The following BRINP3 variants were observed in gnomAD, a reference collection of about 807,000 sequenced individuals.
BRINP3 encodes BMP/retinoic acid inducible neural specific 3.
A neutral mutation model predicts 71.0 loss-of-function variants in BRINP3; 19 were observed. That is an observed-to-expected ratio of 0.27 (90% CI 0.19 to 0.39). BRINP3 has a LOEUF of 0.39. BRINP3 is among the 10% of genes least tolerant of loss of function. BRINP3 has a pLI of 1.00. For synonymous variants in BRINP3, 380 were observed against 337.7 expected (o/e 1.13, Z -1.37); for missense variants, 959 against 940.8 (o/e 1.02, Z -0.25).
intron 4 of BRINP3, among the ~76,000 whole-genome samples, chr1:190,239,618 C>A (rs758503311): frequency 2.6e-5 from 4 of 151,904 alleles, no homozygotes; most frequent in African/African-American, 9.7e-5. Context: ...TTATGTACTT[C>A]GCTGTATAAA....
intron 2 of BRINP3, among the ~76,000 whole-genome samples, chr1:190,431,407 G>C (rs898359282): frequency 6.6e-6 from 1 of 151,892 alleles, no homozygotes; most frequent in Admixed American, 6.6e-5. Context: ...TGCCCAGGCC[G>C]GAGTGCAGTG....
chr1:190,366,705 G>T (rs1205828224), intron 2 of BRINP3, among the ~76,000 whole-genome samples: 2 of 152,096 alleles, frequency 1.3e-5, no homozygotes, highest in Non-Finnish European at 2.9e-5. Context: ...ACAATGGGGG[G>T]TACAGTCATT....
chr1:190,181,099 G>A (rs559572449), intron 6 of BRINP3, among the ~76,000 whole-genome samples: 11 of 152,018 alleles, frequency 7.2e-5, no homozygotes, highest in South Asian at 2.1e-4. Flanking sequence ...CTACCCAATC[G>A]TTTTTATCTT....
At chr1:190,327,326 CAAAAAAAAAAAAAAAAAAAAAAAAGGAA>C (rs1666657489) in intron 2 of BRINP3, among the ~76,000 whole-genome samples, 1 of 44,232 alleles carries the variant, frequency 2.3e-5, no homozygotes, top group African/African-American at 6.9e-5. Context: ...AAAAAAAGAA[CAAAAAAAAAAAAAAAAAAAAAAAAGGAA>C]AAAAAAAAAA....
intron 4 of BRINP3, among the ~76,000 whole-genome samples, chr1:190,259,970 G>C (rs555004017): frequency 6.7e-6 from 1 of 148,750 alleles, no homozygotes; most frequent in South Asian, 2.2e-4. Flanking sequence ...AGAGGTTGCA[G>C]TTAGCCAACA....
At position 190,344,196 on chromosome 1, in the gene BRINP3, T is replaced by TA. The variant is rs1434750692; in HGVS notation, c.237-62447dup. ...TGTTGAAATATCATTAGATAGTAACTAAATTTTTTGAGACCTTTATATGCT... is the reference window on the plus strand; with the variant it reads ...TGTTGAAATATCATTAGATAGTAACTAAAATTTTTTGAGACCTTTATATGCT... On this transcript the variant is annotated intron_variant, in intron 2 of 7. Coordinates refer to ENST00000367462, the MANE Select transcript of BRINP3 (RefSeq NM_199051.3). Among the ~76,000 whole-genome samples the TA allele has an allele frequency of 2.6e-5, 4 of 151,830 alleles. No individual in the cohort carries two copies. The East Asian group carries it at 7.7e-4, about 29-fold the overall frequency.
intron 2 of BRINP3, among the ~76,000 whole-genome samples, chr1:190,329,292 T>G (rs1004708789): frequency 5.3e-5 from 8 of 152,088 alleles, no homozygotes; most frequent in Non-Finnish European, 1.0e-4. Flanking sequence ...TAGAGACTCT[T>G]GCAAAATTTT....
At chr1:190,408,295 C>T (rs184389196) in intron 2 of BRINP3, among the ~76,000 whole-genome samples, 2,112 of 151,924 alleles carry the variant, frequency 0.014, 23 homozygotes, top group Non-Finnish European at 0.021. Context: ...CCGCCCACCT[C>T]GGCCTCTCAA....
intron 7 of BRINP3, among the ~76,000 whole-genome samples, chr1:190,132,829 T>A (rs1571792686): frequency 6.6e-6 from 1 of 152,084 alleles, no homozygotes; most frequent in Admixed American, 6.6e-5. Flanking sequence ...TGAGAATAAG[T>A]CATAAAAGGT....
At chr1:190,377,892 A>C (rs780880431) in intron 2 of BRINP3, among the ~76,000 whole-genome samples, 17 of 152,164 alleles carry the variant, frequency 1.1e-4, no homozygotes, top group South Asian at 4.1e-4. Context: ...TAAATAATTG[A>C]AAAGACATTC....
intron 2 of BRINP3, chr1:190,342,807 A>C (rs1667751118): frequency 6.6e-6 from 1 of 151,844 alleles, no homozygotes; most frequent in African/African-American, 2.4e-5. Context: ...GTACATTTTT[A>C]GGAAAAAAAT....
intron 2 of BRINP3, among the ~76,000 whole-genome samples, chr1:190,430,054 T>A (rs558256733): frequency 6.6e-6 from 1 of 152,312 alleles, no homozygotes; most frequent in South Asian, 2.1e-4. Context: ...ATTTGAAGGT[T>A]AGGACACGTC....
At position 190,182,993 on chromosome 1, in the gene BRINP3, AG is replaced by A. The variant is rs565831507; in HGVS notation, c.962-22104del. Among the ~76,000 whole-genome samples, 21 of 152,226 alleles carry A rather than the reference AG, an allele frequency of 1.4e-4. No individual in the cohort carries two copies. In the South Asian group the frequency reaches 3.9e-3, roughly 29 times the overall value. On this transcript the variant is annotated intron_variant, in intron 6 of 7. Transcript: ENST00000367462. ...TCCTTCAAGTAAATTATCAAAATTG[AG>A]GGGGGTTTTGGAAAACTCCTTAAGT...
chr1:190,176,408 AACC>A (rs1652511356), intron 6 of BRINP3, among the ~76,000 whole-genome samples: 1 of 152,172 alleles, frequency 6.6e-6, no homozygotes, highest in African/African-American at 2.4e-5. Context: ...GGAATAGAAT[AACC>A]ACAACAAACA....
At chr1:190,417,616 T>A (rs1442336724) in intron 2 of BRINP3, among the ~76,000 whole-genome samples, 1 of 152,170 alleles carries the variant, frequency 6.6e-6, no homozygotes, top group East Asian at 1.9e-4. Flanking sequence ...TGGCACTTAC[T>A]GTAGCATATG....
intron 2 of BRINP3, among the ~76,000 whole-genome samples, chr1:190,408,044 T>G: frequency 1.9e-5 from 2 of 105,496 alleles, no homozygotes; most frequent in East Asian, 5.9e-4. Flanking sequence ...TTTTTTGAGA[T>G]GGAGTCTCGC....
chr1:190,177,568 A>T (rs1415151449), intron 6 of BRINP3, among the ~76,000 whole-genome samples: 1 of 152,106 alleles, frequency 6.6e-6, no homozygotes, highest in Non-Finnish European at 1.5e-5. Context: ...TATTTAAACA[A>T]ATAAGGTAAA....
intron 6 of BRINP3, among the ~76,000 whole-genome samples, chr1:190,200,989 G>A (rs1264760206): frequency 5.3e-5 from 8 of 152,132 alleles, no homozygotes; most frequent in African/African-American, 1.7e-4. Context: ...CCAGTAGAGT[G>A]GGGTGTTGCT....
rs139706036 is a variant in BRINP3 at position 190,339,494 on chromosome 1, T to C, written c.237-57744A>G. On this transcript the variant is annotated intron_variant, in intron 2 of 7. Transcript: ENST00000367462. ...TTTCTCAGAAATTAATGCTTAAATG[T>C]AATTGAAGGTCAGGCAGATAAATTA... Among the ~76,000 whole-genome samples, 827 of 152,092 alleles carry C rather than the reference T, an allele frequency of 5.4e-3. 5 individuals carry two copies. Among genetic ancestry groups the C allele is most frequent in the African/African-American group, 0.018 (756 of 41,532 alleles).
Sources: allele counts gnomAD v4.1 joint callset (sites outside exome capture counted in the v4.1 genomes callset), GRCh38; gene constraint gnomAD v4.1.1; transcripts MANE v1.5; gene names NCBI Gene and HGNC (gene_info 2026-07-23, HGNC 2026-07-21).